Variants in FHIT observed in about 807,000 individuals in gnomAD.
The protein encoded by FHIT is bis(5'-adenosyl)-triphosphatase.
Under a neutral mutation model 17.9 loss-of-function variants are expected in FHIT, and 19 were observed. That is an observed-to-expected ratio of 1.06 (90% CI 0.74 to 1.56). FHIT has a LOEUF of 1.56. Ranked by LOEUF, FHIT falls within the 40% of genes most tolerant of loss-of-function variation. The probability of loss-of-function intolerance (pLI) is 0.00; values close to 1 mark genes in which losing one functional copy is unlikely to be tolerated. For missense variants in FHIT, 248 were observed against 189.2 expected (o/e 1.31, Z -1.82); for synonymous variants, 81 against 69.7 (o/e 1.16, Z -0.81).
At chr3:60,915,589 G>A (rs1327492638) in intron 3 of FHIT, among the ~76,000 whole-genome samples, 2 of 152,078 alleles carry the variant, frequency 1.3e-5, no homozygotes, top group African/African-American at 4.8e-5. Flanking sequence ...GAAAGTGTTA[G>A]AACTACATTT....
intron 1 of FHIT, among the ~76,000 whole-genome samples, chr3:61,222,861 G>A (rs146789241): frequency 2.6e-5 from 4 of 152,300 alleles, no homozygotes; most frequent in Admixed American, 1.3e-4. Flanking sequence ...CAGACTTAGC[G>A]CTAGCAGTGG....
intron 5 of FHIT, among the ~76,000 whole-genome samples, chr3:60,448,309 A>C (rs902144276): frequency 3.3e-5 from 5 of 152,164 alleles, no homozygotes; most frequent in African/African-American, 1.2e-4. Context: ...ATAATTATCA[A>C]GTGTTAAGAT....
rs529007559 is a variant in FHIT, at chr3:59,965,447, CTTG to C, written c.280-43036_280-43034del. On this transcript the variant is annotated intron_variant, in intron 7 of 9. Coordinates refer to ENST00000492590, the MANE Select transcript of FHIT (RefSeq NM_002012.4). Reference sequence around the variant, plus strand: ...ATATTATTTAAGAGGTGACAAGTTTCTTGTTGTTGTTGAGCAACTTGAATTACT... The same window carrying C: ...ATATTATTTAAGAGGTGACAAGTTTCTTGTTGTTGAGCAACTTGAATTACT... Among the ~76,000 whole-genome samples, 370 of 152,248 alleles carry C rather than the reference CTTG, an allele frequency of 2.4e-3. 2 individuals are homozygous for C. Among genetic ancestry groups the C allele is most frequent in the Middle Eastern group, 0.01 (3 of 294 alleles).
At chr3:60,145,767 T>C (rs1700214799) in intron 5 of FHIT, among the ~76,000 whole-genome samples, 1 of 152,162 alleles carries the variant, frequency 6.6e-6, no homozygotes, top group Non-Finnish European at 1.5e-5. Context: ...ATCTCTACTA[T>C]TAATTCTGTC....
At chr3:61,039,524 TA>T (rs757823961) in intron 3 of FHIT, among the ~76,000 whole-genome samples, 1 of 151,940 alleles carries the variant, frequency 6.6e-6, no homozygotes, top group Non-Finnish European at 1.5e-5. Flanking sequence ...TACACAGCCA[TA>T]AAAAAGGATG....
intron 5 of FHIT, among the ~76,000 whole-genome samples, chr3:60,367,608 CAA>C (rs1288452198): frequency 6.6e-6 from 1 of 152,100 alleles, no homozygotes; most frequent in Non-Finnish European, 1.5e-5. Flanking sequence ...ATTTATTATG[CAA>C]AGTCATAATT....
chr3:61,085,623 T>A (rs2035282329), intron 2 of FHIT, among the ~76,000 whole-genome samples: 1 of 152,162 alleles, frequency 6.6e-6, no homozygotes, highest in African/African-American at 2.4e-5. Context: ...TAAAATGTTA[T>A]GAAGTTCAAT....
chr3:59,957,763 T>C (rs947459899), intron 7 of FHIT, among the ~76,000 whole-genome samples: 3 of 152,194 alleles, frequency 2.0e-5, no homozygotes, highest in African/African-American at 7.2e-5. Context: ...AGCCAGCACA[T>C]ACTACTCTAT....
At chr3:60,472,063 C>A (rs1407353272) in intron 5 of FHIT, among the ~76,000 whole-genome samples, 1 of 151,766 alleles carries the variant, frequency 6.6e-6, no homozygotes, top group Non-Finnish European at 1.5e-5. Context: ...GTTCACTATT[C>A]AAGTGATGGG....
rs549124770 is a variant in FHIT at position 60,028,149 on chromosome 3, C to A, written c.104-13997G>T. 2.7e-5 allele frequency among the ~76,000 whole-genome samples: 4 copies of A among 148,910 alleles called. No homozygotes were observed. The South Asian group carries it at 8.5e-4, about 32-fold the overall frequency. On this transcript the variant is annotated intron_variant, in intron 5 of 9. Transcript: ENST00000492590. ...CACATGCCCCAAGGTGGGTGGCCAC[C>A]ACCTAGAGATTTTTTTGTTCCTGAA...
chr3:59,763,067 G>C (rs527512496), intron 8 of FHIT, among the ~76,000 whole-genome samples: 98 of 152,280 alleles, frequency 6.4e-4, no homozygotes, highest in African/African-American at 2.3e-3. Flanking sequence ...TCAGATATTG[G>C]TGTTTAAGCA....
intron 5 of FHIT, among the ~76,000 whole-genome samples, chr3:60,048,984 C>CA: frequency 6.6e-6 from 1 of 152,266 alleles, no homozygotes; most frequent in Non-Finnish European, 1.5e-5. Flanking sequence ...CTGAGTTGGG[C>CA]AAGCTCCTTA....
At chr3:60,890,323 A>G (rs782410565) in intron 3 of FHIT, among the ~76,000 whole-genome samples, 5 of 151,920 alleles carry the variant, frequency 3.3e-5, no homozygotes, top group Admixed American at 6.6e-5. Context: ...ATGCACAGAT[A>G]CGAGTGAATC....
chr3:60,865,896 G>A (rs1375996660), intron 3 of FHIT, among the ~76,000 whole-genome samples: 1 of 152,056 alleles, frequency 6.6e-6, no homozygotes, highest in Non-Finnish European at 1.5e-5. Flanking sequence ...CCACAGATGG[G>A]GTTTACTTAG....
chr3:60,769,730 G>C (rs1699978518), intron 4 of FHIT, among the ~76,000 whole-genome samples: 1 of 152,214 alleles, frequency 6.6e-6, no homozygotes, highest in Admixed American at 6.5e-5. Context: ...GTCTATGTGT[G>C]GTTGAAGTAT....
intron 4 of FHIT, among the ~76,000 whole-genome samples, chr3:60,562,825 A>C (rs897381842): frequency 1.3e-5 from 2 of 152,142 alleles, no homozygotes; most frequent in African/African-American, 4.8e-5. Flanking sequence ...GGCCTCTATC[A>C]GTCATTCCTT....
At chr3:61,037,256 A>G (rs2033302468) in intron 3 of FHIT, among the ~76,000 whole-genome samples, 3 of 152,228 alleles carry the variant, frequency 2.0e-5, no homozygotes, top group African/African-American at 2.4e-5. Context: ...GAAAAGCGCT[A>G]CAAGACTGGA....
At chr3:60,912,989 G>T (rs1706821278) in intron 3 of FHIT, among the ~76,000 whole-genome samples, 1 of 152,168 alleles carries the variant, frequency 6.6e-6, no homozygotes, top group Non-Finnish European at 1.5e-5. Flanking sequence ...GAACCTAGGA[G>T]GGTAGAGGGA....
At chr3:61,150,043 T>C (rs2037340355) in intron 2 of FHIT, among the ~76,000 whole-genome samples, 1 of 152,144 alleles carries the variant, frequency 6.6e-6, no homozygotes, top group African/African-American at 2.4e-5. Context: ...GCACTGCCCC[T>C]GTCCTTTTCT....
Sources: gnomAD v4.1 joint callset for allele counts (sites outside exome capture counted in the v4.1 genomes callset) on GRCh38, gnomAD v4.1.1 for gene constraint, MANE v1.5 for transcripts, NCBI Gene and HGNC (gene_info 2026-07-23, HGNC 2026-07-21) for gene names.